VAMP7: variants seen among roughly 807,000 people sequenced by gnomAD.
VAMP7 encodes the protein vesicle associated membrane protein 7.
In VAMP7, 14 loss-of-function variants were observed where a neutral mutation model predicts 29.6. That is an observed-to-expected ratio of 0.47 (90% confidence interval 0.31 to 0.74). VAMP7 has a LOEUF of 0.74. Ranked by LOEUF, VAMP7 falls within the 30% of genes least tolerant of loss-of-function variation. The pLI is 0.05. For synonymous variants in VAMP7, 95 were observed against 88.1 expected (o/e 1.08, Z -0.44); for missense variants, 223 against 262.4 (o/e 0.85, Z 1.04).
chrX:155,891,186 G>A (rs1319834938), intron 2 of VAMP7, among the ~76,000 whole-genome samples: 1 of 152,204 alleles, frequency 6.6e-6, no homozygotes, highest in African/African-American at 2.4e-5. Flanking sequence ...GCCAGGAATT[G>A]TCATCTCTGG....
At position 155,936,731 on chromosome X, in the gene VAMP7, G is replaced by A. The variant is rs372455002; in HGVS notation, c.502-2970G>A. On this transcript the variant is annotated intron_variant, in intron 6 of 7. Coordinates refer to ENST00000286448, the MANE Select transcript of VAMP7 (RefSeq NM_005638.6). ...CAACAAGCCCCAGTGAGATGAAGCCGGTATCTCAGTTGGAAATGCAGAAAT... is the reference window on the plus strand; with the variant it reads ...CAACAAGCCCCAGTGAGATGAAGCCAGTATCTCAGTTGGAAATGCAGAAAT... 7.4e-3 allele frequency among the ~76,000 whole-genome samples: 1,134 copies of A among 152,308 alleles called. 15 individuals carry two copies. The highest frequency in any genetic ancestry group is 0.026 in the African/African-American group (1,075 of 41,580).
intron 6 of VAMP7, among the ~76,000 whole-genome samples, chrX:155,925,665 A>G (rs1281217664): frequency 1.3e-5 from 2 of 152,176 alleles, no homozygotes; most frequent in Admixed American, 1.3e-4. Flanking sequence ...CGAAGTGGGG[A>G]GGGGGCCTCC....
chrX:155,898,162 G>T lies in VAMP7; in HGVS notation c.255G>T (p.Arg85Ser), dbSNP rs1484720485. ...ATTTTCTGAATGAGATAAAGAAGAG[G>T]TTCCAGACTACTTACGGTTCAAGAG... ...AFNFLNEIKKRFQTTYGSRAQ... is the reference protein window; with the variant it reads ...AFNFLNEIKKSFQTTYGSRAQ... The change falls in exon 4 of 8, where the codon AGG becomes AGT. Residue 85 changes from arginine (R) to serine (S), a missense_variant. Coordinates refer to ENST00000286448, the MANE Select transcript of VAMP7 (RefSeq NM_005638.6). 6.2e-7 allele frequency: 1 copy of T among 1,613,590 alleles called. No individual in the cohort carries two copies.
chrX:155,934,636 G>C (rs1324712194), intron 6 of VAMP7, among the ~76,000 whole-genome samples: 3 of 151,950 alleles, frequency 2.0e-5, no homozygotes, highest in African/African-American at 7.3e-5. Context: ...CACACTGATG[G>C]GTCTTTACTC....
rs2066763720 is a variant in VAMP7 at position 155,942,634 on chromosome X, T to G, written c.*683T>G. The G allele has an allele frequency of 6.4e-6, 1 of 155,854 alleles. No homozygotes were observed. Among genetic ancestry groups the G allele is most frequent in the African/African-American group, 2.4e-5 (1 of 41,520 alleles). 9.7% of individuals were successfully genotyped at this position (155,854 alleles called of 1,614,324 possible). A position where few individuals can be genotyped will look rare whatever the true frequency, so the allele number is the denominator to read the frequency against. ...CAGTGGATAGCTTGATATCTTCTGT[T>G]TTCCCATTGCAGTTGATTTGAGAAG... On this transcript the variant is annotated 3_prime_UTR_variant, in exon 8 of 8. Transcript: ENST00000286448.
intron 7 of VAMP7, among the ~76,000 whole-genome samples, 187 bp from the exon 8 acceptor site, chrX:155,941,696 C>A (rs1023270913): frequency 4.6e-5 from 7 of 152,032 alleles, no homozygotes; most frequent in African/African-American, 1.7e-4. Flanking sequence ...GTGAGTTATA[C>A]CAAAAACGAC....
At chrX:155,919,748 T>TA (rs1008566870) in intron 5 of VAMP7, 65 bp from the exon 6 acceptor site, 15 of 1,452,890 alleles carry the variant, frequency 1.0e-5, no homozygotes, top group African/African-American at 5.7e-5. Flanking sequence ...ATTACTTTTT[T>TA]AAAAAAAGTT....
chrX:155,906,917 C>T (rs757223155), intron 5 of VAMP7, among the ~76,000 whole-genome samples: 1 of 152,230 alleles, frequency 6.6e-6, no homozygotes, highest in East Asian at 1.9e-4. Flanking sequence ...GAAGAATCTT[C>T]CACAATTAAG....
intron 5 of VAMP7, among the ~76,000 whole-genome samples, chrX:155,910,598 T>G (rs1467111839): frequency 6.6e-6 from 1 of 152,024 alleles, no homozygotes; most frequent in Non-Finnish European, 1.5e-5. Context: ...TTTTTTTTTT[T>G]TTCCTTATAC....
rs766605651 is a variant in VAMP7 at position 155,941,978 on chromosome X, G to A, written c.*27G>A. On this transcript the variant is annotated 3_prime_UTR_variant, in exon 8 of 8. Transcript: ENST00000286448. The stretch of plus-strand genomic sequence containing the variant: ...AAAGAAGAAGTTACCATTAACCAAG[G>A]ATATGAGAGAACAAGGAGTTAAAAG... 1 of 1,613,568 alleles carries A rather than the reference G, an allele frequency of 6.2e-7. No individual in the cohort carries two copies. Among genetic ancestry groups the A allele is most frequent in the African/African-American group, 1.3e-5 (1 of 74,884 alleles).
rs774984033 is a variant in VAMP7 at position 155,900,597 on chromosome X, A to G, written c.433+10A>G. 5 of 1,595,868 alleles carry G rather than the reference A, an allele frequency of 3.1e-6. No individual in the cohort carries two copies. Among genetic ancestry groups the G allele is most frequent in the Middle Eastern group, 1.7e-4 (1 of 6,052 alleles). ...ATGGTCAGAAACATAGGTATGTTTCATGGCATAGTTTCATGCATGTGGGCA... is the reference window on the plus strand; with the variant it reads ...ATGGTCAGAAACATAGGTATGTTTCGTGGCATAGTTTCATGCATGTGGGCA... On this transcript the variant is annotated intron_variant, in intron 5 of 7. Coordinates refer to ENST00000286448, the MANE Select transcript of VAMP7 (RefSeq NM_005638.6).
At chrX:155,899,417 G>A (rs5983812) in intron 4 of VAMP7, among the ~76,000 whole-genome samples, 5,097 of 151,864 alleles carry the variant, frequency 0.034, 296 homozygotes, top group African/African-American at 0.12. Flanking sequence ...GAAACTATTT[G>A]AGTATAAAGA....
chrX:155,923,426 C>CT (rs753514889), intron 6 of VAMP7, among the ~76,000 whole-genome samples: 3,873 of 144,078 alleles, frequency 0.027, 89 homozygotes, highest in African/African-American at 0.071. Context: ...ATTTCACTTC[C>CT]TTTTTTTTTT....
chrX:155,936,576 G>A (rs926563521), intron 6 of VAMP7, among the ~76,000 whole-genome samples: 14 of 152,172 alleles, frequency 9.2e-5, no homozygotes, highest in Non-Finnish European at 1.3e-4. Context: ...GGAGTGATCC[G>A]ATTTTCCAGG....
At chrX:155,900,615 T>C in intron 5 of VAMP7, 28 bp downstream of exon 5, 2 of 1,566,552 alleles carry the variant, frequency 1.3e-6, no homozygotes, top group South Asian at 2.3e-5. Flanking sequence ...GTTTCATGCA[T>C]GTGGGCAAAA....
chrX:155,931,505 C>T (rs1278878999), intron 6 of VAMP7, among the ~76,000 whole-genome samples: 1 of 152,076 alleles, frequency 6.6e-6, no homozygotes, highest in Non-Finnish European at 1.5e-5. Context: ...TGCATAAATG[C>T]CATCTTTTGA....
chrX:155,908,431 C>G (rs920052980), intron 5 of VAMP7, among the ~76,000 whole-genome samples: 2 of 152,074 alleles, frequency 1.3e-5, no homozygotes, highest in Non-Finnish European at 1.5e-5. Flanking sequence ...TGGCAGCACT[C>G]GGCAGGCTGA....
At chrX:155,896,541 C>T (rs2065989780) in intron 3 of VAMP7, among the ~76,000 whole-genome samples, 1 of 152,162 alleles carries the variant, frequency 6.6e-6, no homozygotes, top group African/African-American at 2.4e-5. Flanking sequence ...TTTCTCTTCT[C>T]TGCTTATCTC....
intron 5 of VAMP7, among the ~76,000 whole-genome samples, chrX:155,905,333 A>G (rs767095051): frequency 1.3e-5 from 2 of 152,104 alleles, no homozygotes; most frequent in African/African-American, 2.4e-5. Flanking sequence ...CCCTTATCAG[A>G]TACATGATTT....
Sources: allele counts gnomAD v4.1 joint callset (sites outside exome capture counted in the v4.1 genomes callset), GRCh38; gene constraint gnomAD v4.1.1; transcripts MANE v1.5; gene names NCBI Gene and HGNC (gene_info 2026-07-23, HGNC 2026-07-21).